Variants in PDE4DIP observed in about 807,000 individuals in gnomAD.
The protein encoded by PDE4DIP is myomegalin.
PDE4DIP carries 59 observed loss-of-function variants against 221.4 expected under a neutral mutation model. The observed-to-expected ratio is 0.27, with a 90% CI of 0.22 to 0.33. The LOEUF (loss-of-function observed/expected upper bound fraction) is 0.33. PDE4DIP is among the 10% of genes least tolerant of loss of function. The pLI, the probability that PDE4DIP is intolerant of heterozygous loss-of-function variation, is 1.00. For missense variants in PDE4DIP, 1,036 were observed against 2,154.2 expected, an observed-to-expected ratio of 0.48 and a Z score of 10.28; for synonymous variants, 404 against 815.9, an observed-to-expected ratio of 0.50 and a Z score of 8.60.
chr1:148,995,873 TAAA>T, intron 22 of PDE4DIP, among the ~76,000 whole-genome samples: 1 of 118,634 alleles, frequency 8.4e-6, no homozygotes, highest in East Asian at 2.4e-4. Flanking sequence ...AATAATAAAA[TAAA>T]AAAATAAAAA....
Position 148,901,888 on chromosome 1 carries a change from A to G in PDE4DIP, c.141+11994A>G, listed in dbSNP as rs1344784731. 2.5e-5 allele frequency among the ~76,000 whole-genome samples: 3 copies of G among 121,866 alleles called. 1 individual carries two copies. Among genetic ancestry groups the G allele is most frequent in the Non-Finnish European group, 4.9e-5 (3 of 60,998 alleles). The allele number at this position is 121,866 out of a possible 152,430, so 79.9% of individuals were successfully genotyped here. On this transcript the variant is annotated intron_variant, in intron 1 of 43. Coordinates refer to ENST00000369354, the Ensembl canonical transcript of PDE4DIP. ...CAGATTCTCATCAGTCAAGTTCAGT[A>G]TCTGCCCAACACAAAAGTAAATCTA...
chr1:148,907,061 A>C (rs1553451018), intron 1 of PDE4DIP, among the ~76,000 whole-genome samples: 5 of 151,284 alleles, frequency 3.3e-5, no homozygotes. Context: ...AAAAAACCAA[A>C]AAAAACAAAA....
upstream of PDE4DIP, among the ~76,000 whole-genome samples, chr1:148,885,057 T>C: frequency 6.8e-6 from 1 of 147,102 alleles, no homozygotes; most frequent in Non-Finnish European, 1.5e-5. Context: ...GCACCAGCTA[T>C]GTATCAGGCA....
intron 43 of PDE4DIP, 29 bp from the exon 47 acceptor site, chr1:149,031,915 G>C: frequency 6.3e-7 from 1 of 1,593,318 alleles, no homozygotes; most frequent in Non-Finnish European, 8.5e-7. Flanking sequence ...AATATACACT[G>C]ATTTGGTTTG....
chr1:149,023,894 T>C (rs1388683634), intron 37 of PDE4DIP, among the ~76,000 whole-genome samples: 1 of 151,488 alleles, frequency 6.6e-6, no homozygotes, highest in South Asian at 2.1e-4. Context: ...ACACACTATA[T>C]GTAGGTGTAT....
chr1:148,986,955 A>G (rs1553550516), intron 21 of PDE4DIP, among the ~76,000 whole-genome samples: 1 of 152,166 alleles, frequency 6.6e-6, no homozygotes, highest in African/African-American at 2.4e-5. Flanking sequence ...GGGAGTCCTA[A>G]TTTACATGTG....
At chr1:148,861,595 G>A (rs1553400966) in intron 1 of PDE4DIP, among the ~76,000 whole-genome samples, 1 of 74,916 alleles carries the variant, frequency 1.3e-5, no homozygotes, top group Non-Finnish European at 2.6e-5. Context: ...CCGAGATCGT[G>A]CCATGCACTC....
intron 5 of PDE4DIP, chr1:148,952,266 T>C (rs1307013808): frequency 1.2e-5 from 12 of 977,722 alleles, no homozygotes; most frequent in Non-Finnish European, 1.5e-5. Flanking sequence ...AGGGTCGCGC[T>C]GGCTACCTCG....
intron 1 of PDE4DIP, among the ~76,000 whole-genome samples, chr1:148,927,322 CA>C (rs1208061352): frequency 6.6e-6 from 1 of 151,742 alleles, no homozygotes. Flanking sequence ...ATGAGGGGAA[CA>C]AACATTCTTC....
At chr1:148,960,360 T>TC (rs1407343543) in intron 5 of PDE4DIP, among the ~76,000 whole-genome samples, 2 of 143,176 alleles carry the variant, frequency 1.4e-5, no homozygotes, top group Non-Finnish European at 3.1e-5. Flanking sequence ...TATTAAATCC[T>TC]CCCCTTCTCA....
chr1:148,820,522 G>T (rs1273931839), intron 1 of PDE4DIP, among the ~76,000 whole-genome samples: 1 of 137,520 alleles, frequency 7.3e-6, no homozygotes, highest in Non-Finnish European at 1.5e-5. Flanking sequence ...GAGCCAGATC[G>T]CGCCACTGCA....
intron 5 of PDE4DIP, among the ~76,000 whole-genome samples, chr1:148,943,984 C>A (rs1553481787): frequency 2.0e-5 from 3 of 152,168 alleles, no homozygotes; most frequent in African/African-American, 7.2e-5. Flanking sequence ...AAGCCCCCAC[C>A]TCCTAATACC....
chr1:148,927,283 T>C (rs2046930258), intron 1 of PDE4DIP, among the ~76,000 whole-genome samples: 1 of 152,062 alleles, frequency 6.6e-6, no homozygotes, highest in African/African-American at 2.4e-5. Flanking sequence ...TGAATCTATG[T>C]TCTAACCTTG....
chr1:148,846,539 G>A (rs1209372785), intron 1 of PDE4DIP, among the ~76,000 whole-genome samples: 1 of 52,874 alleles, frequency 1.9e-5, no homozygotes, highest in Non-Finnish European at 3.4e-5. Flanking sequence ...GGCGGATTAC[G>A]AGGTCAGGAG....
chr1:149,005,122 A>G, exon 27 of PDE4DIP: 1 of 1,614,058 alleles, frequency 6.2e-7, no homozygotes, highest in Non-Finnish European at 8.5e-7. Context: ...CAGCTGCAGA[A>G]TGCCAACAAG....
chr1:149,014,821 G>T (rs1477935551), intron 32 of PDE4DIP, among the ~76,000 whole-genome samples: 1 of 151,724 alleles, frequency 6.6e-6, no homozygotes, highest in East Asian at 1.9e-4. Flanking sequence ...AGTCTGTATG[G>T]TATCTTTGCA....
intron 27 of PDE4DIP, among the ~76,000 whole-genome samples, chr1:149,006,075 G>A (rs113236009): frequency 1.2e-3 from 178 of 151,850 alleles, no homozygotes; most frequent in Non-Finnish European, 1.8e-3. Flanking sequence ...GGAGGTTGCA[G>A]TGAGCCGAGA....
At chr1:148,821,984 A>G (rs6424332) in intron 1 of PDE4DIP, among the ~76,000 whole-genome samples, 1 of 145,334 alleles carries the variant, frequency 6.9e-6, no homozygotes, top group South Asian at 2.2e-4. Flanking sequence ...AAACCAACAA[A>G]GAAGATAACC....
exon 44 of PDE4DIP, chr1:149,032,433 AAGCACACTACTG>A (rs2076959267): frequency 4.6e-6 from 2 of 431,948 alleles, no homozygotes; most frequent in Non-Finnish European, 8.6e-6. Flanking sequence ...CAGGTTCTAA[AAGCACACTACTG>A]AGCAGCGGTG....
Sources: allele counts gnomAD v4.1 joint callset (sites outside exome capture counted in the v4.1 genomes callset), GRCh38; gene constraint gnomAD v4.1.1; transcripts MANE v1.5; gene names NCBI Gene and HGNC (gene_info 2026-07-23, HGNC 2026-07-21).